The following ESD variants were observed in gnomAD, a reference collection of about 807,000 sequenced individuals.
The protein encoded by ESD is S-formylglutathione hydrolase.
In ESD, 34 loss-of-function variants were observed where a neutral mutation model predicts 38.1. That is an observed-to-expected ratio of 0.89 (90% CI 0.68 to 1.19). The LOEUF (loss-of-function observed/expected upper bound fraction) is 1.19. Ranked by LOEUF, ESD falls within the 50% of genes most tolerant of loss-of-function variation. The pLI, the probability that ESD is intolerant of heterozygous loss-of-function variation, is 0.00. For synonymous variants in ESD, 97 were observed against 107.0 expected (o/e 0.91, Z 0.58); for missense variants, 334 against 327.2 (o/e 1.02, Z -0.16).
At chr13:46,775,666 A>G (rs1269830752) in intron 9 of ESD, 2 of 470,758 alleles carry the variant, frequency 4.2e-6, no homozygotes, top group Non-Finnish European at 8.8e-6. Flanking sequence ...GCTTCAAGCT[A>G]TGTAGTCCAC....
At position 46,777,497 on chromosome 13, in the gene ESD, A is replaced by G. The variant is rs143687997; in HGVS notation, c.727T>C (p.Cys243Arg). The stretch of plus-strand genomic sequence containing the variant: ...ACAACGGGGATTTTCTTTTCTGTAC[A>G]GGCAGCTATGAAGTTATCAGGGAGT... ...QLLPDNFIAACTEKKIPVVFR... is the reference protein window; with the variant it reads ...QLLPDNFIAARTEKKIPVVFR... Residue 243 changes from cysteine (C) to arginine (R), a missense_variant, in exon 9 of 10, where the codon TGT (cysteine) becomes CGT (arginine). Physicochemically the swap from Cys to Arg is radical, Grantham distance 180. Transcript: ENST00000378720. The G allele has an allele frequency of 6.2e-7, 1 of 1,610,370 alleles. No homozygotes were observed. The highest frequency in any genetic ancestry group is 8.5e-7 in the Non-Finnish European group (1 of 1,177,668).
At position 46,782,671 on chromosome 13, in the gene ESD, T is replaced by G. The variant is rs757896479; in HGVS notation, c.377A>C (p.Glu126Ala). The stretch of plus-strand genomic sequence containing the variant: ...TTACAATACAAATTAAATTACCTCC[T>G]CTGTGACATAAGAGTACATTCTGTA... Reference protein sequence around the residue: ...TNYRMYSYVTEELPQLINANF... With the variant: ...TNYRMYSYVTAELPQLINANF... The change falls in exon 6 of 10, where the codon GAG (glutamate) becomes GCG (alanine). Residue 126 changes from glutamate (E) to alanine (A), a missense_variant. Physicochemically the swap from Glu to Ala is moderately radical, Grantham distance 107. Coordinates refer to ENST00000378720, the MANE Select transcript of ESD (RefSeq NM_001984.2). 6.2e-7 allele frequency: 1 copy of G among 1,611,616 alleles called. No individual in the cohort carries two copies. Among genetic ancestry groups the G allele is most frequent in the Non-Finnish European group, 8.5e-7 (1 of 1,178,526 alleles).
chr13:46,788,701 A>T (rs1319942501), intron 3 of ESD, among the ~76,000 whole-genome samples: 2 of 150,284 alleles, frequency 1.3e-5, no homozygotes, highest in African/African-American at 2.4e-5. Flanking sequence ...ACACAACAGG[A>T]TTATCAAGCA....
chr13:46,784,171 A>G (rs1351223111), intron 5 of ESD, 81 bp downstream of exon 5: 1 of 1,063,564 alleles, frequency 9.4e-7, no homozygotes, highest in African/African-American at 1.6e-5. Context: ...AATGAATTGT[A>G]TAATGTATAT....
chr13:46,779,580 GGTTAATTTAGAAGTGAT>G (rs1293179479), intron 8 of ESD, among the ~76,000 whole-genome samples: 1 of 150,238 alleles, frequency 6.7e-6, no homozygotes, highest in African/African-American at 2.4e-5. Flanking sequence ...GGTATTTTTT[GGTTAATTTAGAAGTGAT>G]GTTAATTTAG....
intron 1 of ESD, among the ~76,000 whole-genome samples, chr13:46,794,626 C>A (rs1875515179): frequency 6.6e-6 from 1 of 152,120 alleles, no homozygotes; most frequent in Non-Finnish European, 1.5e-5. Context: ...TAAATCTCTA[C>A]ATGTGTTTTT....
intron 4 of ESD, among the ~76,000 whole-genome samples, chr13:46,786,687 T>C (rs7999667): frequency 0.013 from 2,000 of 152,086 alleles, 43 homozygotes; most frequent in African/African-American, 0.045. Context: ...CACCTAATAT[T>C]GTTCTAATGG....
chr13:46,782,562 A>G (rs1875041977), intron 6 of ESD, 105 bp downstream of exon 6: 2 of 1,276,066 alleles, frequency 1.6e-6, no homozygotes, highest in Admixed American at 2.3e-5. Flanking sequence ...TTTTACTAGT[A>G]ACTTTTATAC....
chr13:46,790,835 CCTCTCCATTTG>C (rs894533806), intron 3 of ESD, among the ~76,000 whole-genome samples: 1 of 152,104 alleles, frequency 6.6e-6, no homozygotes, highest in Non-Finnish European at 1.5e-5. Flanking sequence ...TCAGGTACTA[CCTCTCCATTTG>C]TATTCCTGCT....
intron 3 of ESD, among the ~76,000 whole-genome samples, chr13:46,789,935 C>G (rs1024134330): frequency 6.6e-6 from 1 of 151,670 alleles, no homozygotes; most frequent in African/African-American, 2.4e-5. Flanking sequence ...CCTGCCTCAG[C>G]CTCCTAAGTA....
chr13:46,783,354 G>C (rs1875078699), intron 5 of ESD, among the ~76,000 whole-genome samples: 1 of 151,784 alleles, frequency 6.6e-6, no homozygotes, highest in Non-Finnish European at 1.5e-5. Context: ...TTTTTAACTT[G>C]TTACATTTTA....
At chr13:46,789,620 TTTCTG>T (rs777840893) in intron 3 of ESD, among the ~76,000 whole-genome samples, 25 of 152,224 alleles carry the variant, frequency 1.6e-4, no homozygotes, top group Non-Finnish European at 2.5e-4. Context: ...TATACCTCTA[TTTCTG>T]TTCTATTTTC....
chr13:46,779,909 T>C (rs1017016028), intron 8 of ESD, 26 bp downstream of exon 8: 1 of 1,526,512 alleles, frequency 6.6e-7, no homozygotes, highest in African/African-American at 1.4e-5. Context: ...TAAGAATGAG[T>C]ATTAAGACAG....
At position 46,791,717 on chromosome 13, in the gene ESD, A is replaced by G. The variant is rs370582886; in HGVS notation, c.-7-297T>C. ...AAATTATTTTTAAAAGAGGCAGAAA[A>G]TACATAAGTTACCAATTAATTACCT... On this transcript the variant is annotated intron_variant, in intron 2 of 9. Coordinates refer to ENST00000378720, the MANE Select transcript of ESD (RefSeq NM_001984.2). 2.1e-4 allele frequency among the ~76,000 whole-genome samples: 32 copies of G among 152,222 alleles called. 2 individuals are homozygous for G. The South Asian group carries it at 6.4e-3, about 31-fold the overall frequency.
intron 3 of ESD, 107 bp from the exon 4 acceptor site, chr13:46,787,216 A>G: frequency 1.9e-6 from 1 of 537,196 alleles, no homozygotes; most frequent in Non-Finnish European, 3.1e-6. Context: ...CTAAAGGTCC[A>G]AAATAAGTTA....
Position 46,771,514 on chromosome 13 carries a change from G to A in ESD, c.769-18C>T. Reference sequence around the variant, plus strand: ...TCATAACCCTAGAAGATAAAGAGATGATAAGACATTTATCTACCATTCAGG... The same window carrying A: ...TCATAACCCTAGAAGATAAAGAGATAATAAGACATTTATCTACCATTCAGG... On this transcript the variant is annotated intron_variant, in intron 9 of 9. Transcript: ENST00000378720. 6.8e-7 allele frequency: 1 copy of A among 1,467,716 alleles called. No individual in the cohort carries two copies. Among genetic ancestry groups the A allele is most frequent in the Non-Finnish European group, 9.5e-7 (1 of 1,052,120 alleles). 90.9% of individuals were successfully genotyped at this position (1,467,716 alleles called of 1,614,324 possible). A position where few individuals can be genotyped will look rare whatever the true frequency, so the allele number is the denominator to read the frequency against.
intron 2 of ESD, among the ~76,000 whole-genome samples, chr13:46,792,645 TATG>T (rs759638667): frequency 6.6e-6 from 1 of 151,962 alleles, no homozygotes; most frequent in Non-Finnish European, 1.5e-5. Flanking sequence ...TCTATAGAAT[TATG>T]ATATTACAAC....
chr13:46,773,038 T>C (rs1405676535), intron 9 of ESD, among the ~76,000 whole-genome samples: 4 of 152,152 alleles, frequency 2.6e-5, no homozygotes, highest in African/African-American at 9.7e-5. Context: ...GGCTTCCAAC[T>C]CCATCCATGT....
upstream of ESD, among the ~76,000 whole-genome samples, chr13:46,797,400 C>T (rs1168013297): frequency 6.6e-6 from 1 of 152,262 alleles, no homozygotes; most frequent in Non-Finnish European, 1.5e-5. Context: ...TTAGGTTAGT[C>T]CCTGTCACCT....
Sources: gnomAD v4.1 joint callset for allele counts (sites outside exome capture counted in the v4.1 genomes callset) on GRCh38, gnomAD v4.1.1 for gene constraint, MANE v1.5 for transcripts, NCBI Gene and HGNC (gene_info 2026-07-23, HGNC 2026-07-21) for gene names.